The following PPP1R9A variants were observed in gnomAD, a reference collection of about 807,000 sequenced individuals.
The protein encoded by PPP1R9A is neurabin-1.
Under a neutral mutation model 141.9 loss-of-function variants are expected in PPP1R9A, and 59 were observed. That is an observed-to-expected ratio of 0.42 (90% CI 0.34 to 0.52). The LOEUF (loss-of-function observed/expected upper bound fraction) is 0.52. PPP1R9A is among the 20% of genes least tolerant of loss of function. The probability of loss-of-function intolerance (pLI) is 0.10; values close to 1 mark genes in which losing one functional copy is unlikely to be tolerated. For synonymous variants in PPP1R9A, 500 were observed against 569.7 expected, an observed-to-expected ratio of 0.88 and a Z score of 1.74; for missense variants, 1,444 against 1,611.9, an observed-to-expected ratio of 0.90 and a Z score of 1.78.
chr7:95,026,437 C>T (rs1056910506), intron 2 of PPP1R9A, among the ~76,000 whole-genome samples: 1 of 152,168 alleles, frequency 6.6e-6, no homozygotes, highest in African/African-American at 2.4e-5. Flanking sequence ...GCTGCCTGTT[C>T]CTTGCTCTGG....
At chr7:95,132,146 ACTT>A (rs1824762966) in intron 4 of PPP1R9A, among the ~76,000 whole-genome samples, 1 of 151,828 alleles carries the variant, frequency 6.6e-6, no homozygotes, top group African/African-American at 2.4e-5. Context: ...AGATAGTTTG[ACTT>A]CTTCTTTTCT....
chr7:95,118,165 C>T (rs1406012223), intron 3 of PPP1R9A, among the ~76,000 whole-genome samples: 1 of 152,200 alleles, frequency 6.6e-6, no homozygotes, highest in Non-Finnish European at 1.5e-5. Flanking sequence ...GCCTTCAGCA[C>T]ACATCTAACC....
intron 16 of PPP1R9A, among the ~76,000 whole-genome samples, chr7:95,277,228 C>A (rs981321422): frequency 6.6e-6 from 1 of 152,042 alleles, no homozygotes; most frequent in Non-Finnish European, 1.5e-5. Flanking sequence ...ACTATTTGGT[C>A]TTGGTTTTAG....
chr7:95,213,160 A>G (rs987996430), intron 7 of PPP1R9A, among the ~76,000 whole-genome samples: 11 of 151,822 alleles, frequency 7.2e-5, no homozygotes, highest in Non-Finnish European at 1.3e-4. Flanking sequence ...CCAGCAGCCT[A>G]TGTTTCAGAT....
At chr7:94,975,652 T>C (rs945220700) in intron 2 of PPP1R9A, among the ~76,000 whole-genome samples, 17 of 152,090 alleles carry the variant, frequency 1.1e-4, no homozygotes, top group Non-Finnish European at 1.5e-5. Context: ...CCCAGGCCAG[T>C]TCACAAATAT....
At chr7:94,985,772 A>C (rs1584122478) in intron 2 of PPP1R9A, among the ~76,000 whole-genome samples, 1 of 152,050 alleles carries the variant, frequency 6.6e-6, no homozygotes, top group Non-Finnish European at 1.5e-5. Context: ...GATTGAGGGC[A>C]CTTGCCCCAA....
intron 4 of PPP1R9A, among the ~76,000 whole-genome samples, chr7:95,132,886 G>A (rs1824921427): frequency 1.3e-5 from 2 of 152,156 alleles, no homozygotes; most frequent in Admixed American, 1.3e-4. Flanking sequence ...CCCAAGTGCT[G>A]TTACAGCTCT....
At chr7:95,069,680 C>A (rs1243869584) in intron 2 of PPP1R9A, among the ~76,000 whole-genome samples, 1 of 152,212 alleles carries the variant, frequency 6.6e-6, no homozygotes, top group South Asian at 2.1e-4. Flanking sequence ...GGGTTCTCCA[C>A]CTATATGCTG....
At chr7:94,991,240 AC>A (rs1306628050) in intron 2 of PPP1R9A, among the ~76,000 whole-genome samples, 1 of 152,094 alleles carries the variant, frequency 6.6e-6, no homozygotes, top group Admixed American at 6.5e-5. Context: ...ATGAGATAAT[AC>A]CTAATTGTTT....
intron 2 of PPP1R9A, among the ~76,000 whole-genome samples, chr7:94,983,353 C>T (rs1800368194): frequency 6.6e-6 from 1 of 152,018 alleles, no homozygotes; most frequent in Non-Finnish European, 1.5e-5. Context: ...GTAGTTTTTT[C>T]CAATTCTGTG....
At chr7:95,188,667 C>T (rs1420221635) in intron 5 of PPP1R9A, among the ~76,000 whole-genome samples, 15 of 149,666 alleles carry the variant, frequency 1.0e-4, no homozygotes, top group Admixed American at 8.7e-4. Context: ...GGTGCAATCT[C>T]GGCTCACTGT....
chr7:95,072,825 A>ATATATAATAAT (rs1263774228), intron 2 of PPP1R9A, among the ~76,000 whole-genome samples: 2 of 36,094 alleles, frequency 5.5e-5, no homozygotes, highest in Non-Finnish European at 1.2e-4. Context: ...AATAATTATT[A>ATATATAATAAT]TATATATAAT....
At chr7:95,237,693 C>T (rs1024297063) in intron 8 of PPP1R9A, among the ~76,000 whole-genome samples, 3 of 152,042 alleles carry the variant, frequency 2.0e-5, no homozygotes, top group African/African-American at 7.2e-5. Context: ...TTGTTAACTG[C>T]ATATATGTTG....
rs148552518 is a variant in PPP1R9A, at chr7:94,921,094, T to C, written c.1395+9586T>C. 3.8e-3 allele frequency among the ~76,000 whole-genome samples: 580 copies of C among 152,282 alleles called. 2 individuals carry two copies. The highest frequency in any genetic ancestry group is 0.01 in the Middle Eastern group (3 of 294). On this transcript the variant is annotated intron_variant, in intron 2 of 19. Coordinates refer to ENST00000433360, the MANE Select transcript of PPP1R9A (RefSeq NM_001166160.2). ...TTTTCAGGCTTGTGAAGAGTTTTCT[T>C]TTCATGGTTAGGGTCCACAGAGGAG...
chr7:95,176,800 C>A (rs985064754), intron 5 of PPP1R9A, among the ~76,000 whole-genome samples: 1 of 151,850 alleles, frequency 6.6e-6, no homozygotes, highest in African/African-American at 2.4e-5. Flanking sequence ...TCGAATTAAC[C>A]CAATCCAACA....
rs1314551527 is a variant in PPP1R9A, at chr7:95,290,419, G to T, written c.*116G>T. The T allele has an allele frequency of 2.6e-6, 3 of 1,159,534 alleles. No individual in the cohort carries two copies. Among genetic ancestry groups the T allele is most frequent in the Non-Finnish European group, 3.6e-6 (3 of 837,898 alleles). The allele number at this position is 1,159,534 out of a possible 1,614,324, so 71.8% of individuals were successfully genotyped here. ...AAATGATAAGGGTAATGCGGCTCTA[G>T]GCCGGCTGAGGAACTGTGTGTTGAA... On this transcript the variant is annotated 3_prime_UTR_variant, in exon 20 of 20. Transcript: ENST00000433360.
chr7:94,950,931 A>G (rs1219240319), intron 2 of PPP1R9A, among the ~76,000 whole-genome samples: 1 of 152,016 alleles, frequency 6.6e-6, no homozygotes. Context: ...TACTTTTGGT[A>G]GAGATGAGGT....
intron 2 of PPP1R9A, among the ~76,000 whole-genome samples, chr7:95,008,380 G>C (rs1803919456): frequency 6.6e-6 from 1 of 152,120 alleles, no homozygotes; most frequent in Admixed American, 6.5e-5. Flanking sequence ...ACTCCTTATA[G>C]ATTTATCTCT....
At chr7:95,248,066 T>C (rs1638757540) in intron 9 of PPP1R9A, among the ~76,000 whole-genome samples, 1 of 151,404 alleles carries the variant, frequency 6.6e-6, no homozygotes, top group Non-Finnish European at 1.5e-5. Flanking sequence ...GAAAAGGTCT[T>C]GATAAAAGGG....
Sources: gnomAD v4.1 joint callset for allele counts (sites outside exome capture counted in the v4.1 genomes callset) on GRCh38, gnomAD v4.1.1 for gene constraint, MANE v1.5 for transcripts, NCBI Gene and HGNC (gene_info 2026-07-23, HGNC 2026-07-21) for gene names.